The following AXDND1 variants were observed in gnomAD, a reference collection of about 807,000 sequenced individuals.
AXDND1 encodes axonemal dynein light chain domain-containing protein 1.
A neutral mutation model predicts 137.5 loss-of-function variants in AXDND1; 110 were observed. That is an observed-to-expected ratio of 0.80 (90% confidence interval 0.69 to 0.94). AXDND1 has a LOEUF of 0.94. Among genes scored for constraint, AXDND1 ranks in the 40% least tolerant of loss-of-function variants. AXDND1 has a pLI of 0.00. For synonymous variants in AXDND1, 414 were observed against 399.7 expected, an observed-to-expected ratio of 1.04 and a Z score of -0.43; for missense variants, 1,191 against 1,169.8, an observed-to-expected ratio of 1.02 and a Z score of -0.26.
At chr1:179,394,152 G>T in intron 10 of AXDND1, 109 bp downstream of exon 10, 1 of 1,145,002 alleles carries the variant, frequency 8.7e-7, no homozygotes, top group Non-Finnish European at 1.2e-6. Context: ...AGGTTCTTCT[G>T]TTTCCTTTTC....
intron 25 of AXDND1, among the ~76,000 whole-genome samples, chr1:179,537,564 G>A (rs902331458): frequency 2.0e-5 from 3 of 152,158 alleles, no homozygotes; most frequent in Non-Finnish European, 4.4e-5. Flanking sequence ...TGGTAGATAA[G>A]CTTTCTGATG....
intron 15 of AXDND1, among the ~76,000 whole-genome samples, chr1:179,438,167 A>AATAAATAAATAAATAAATAC (rs1427000432): frequency 1.5e-5 from 2 of 136,362 alleles, no homozygotes; most frequent in African/African-American, 5.5e-5. Context: ...TAAGTAAATA[A>AATAAATAAATAAATAAATAC]ATAAATAAAT....
chr1:179,457,839 A>G (rs1403911757), intron 16 of AXDND1, among the ~76,000 whole-genome samples: 1 of 152,180 alleles, frequency 6.6e-6, no homozygotes, highest in East Asian at 1.9e-4. Flanking sequence ...TCAGCCATGG[A>G]TACCTTGTAT....
chr1:179,449,384 ATGTT>A, intron 16 of AXDND1: 1 of 197,474 alleles, frequency 5.1e-6, no homozygotes, highest in Non-Finnish European at 1.1e-5. Context: ...ACTCATGTGT[ATGTT>A]TGTCCTTGTG....
chr1:179,367,385 C>T (rs1354034720), intron 2 of AXDND1, among the ~76,000 whole-genome samples: 2 of 152,020 alleles, frequency 1.3e-5, no homozygotes, highest in Middle Eastern at 3.4e-3. Context: ...CGTGGTGGCT[C>T]GTGCCTGTAG....
intron 25 of AXDND1, among the ~76,000 whole-genome samples, chr1:179,542,151 CATTTT>C (rs1181612981): frequency 6.6e-6 from 1 of 152,062 alleles, no homozygotes; most frequent in Admixed American, 6.6e-5. Flanking sequence ...TTTAATTGTT[CATTTT>C]CTTATTTCTA....
intron 20 of AXDND1, among the ~76,000 whole-genome samples, chr1:179,506,100 A>C (rs1185556910): frequency 6.6e-6 from 1 of 152,230 alleles, no homozygotes; most frequent in Admixed American, 6.5e-5. Flanking sequence ...AGCCTAGAAC[A>C]GCTACTGAAA....
At chr1:179,374,734 C>A (rs1571528034) in intron 4 of AXDND1, among the ~76,000 whole-genome samples, 1 of 149,208 alleles carries the variant, frequency 6.7e-6, no homozygotes, top group East Asian at 2.0e-4. Flanking sequence ...GACAGAAAAC[C>A]AAATACTGCA....
chr1:179,423,458 A>G (rs1017579469), intron 12 of AXDND1, among the ~76,000 whole-genome samples: 1 of 152,088 alleles, frequency 6.6e-6, no homozygotes, highest in African/African-American at 2.4e-5. Flanking sequence ...ATAAGTAAGG[A>G]TTTACTCCTT....
chr1:179,448,215 G>T, intron 16 of AXDND1: 1 of 810,586 alleles, frequency 1.2e-6, no homozygotes, highest in South Asian at 1.4e-5. Context: ...ATCTGAGCTG[G>T]TTGTGCTTTC....
At chr1:179,388,973 A>AT (rs200417239) in intron 9 of AXDND1, among the ~76,000 whole-genome samples, 11,057 of 76,352 alleles carry the variant, frequency 0.14, 748 homozygotes, top group East Asian at 0.44. Flanking sequence ...TCATTTTTAG[A>AT]TTCTTTTTTT....
At chr1:179,435,651 T>C (rs1314762902) in intron 15 of AXDND1, among the ~76,000 whole-genome samples, 1 of 152,188 alleles carries the variant, frequency 6.6e-6, no homozygotes, top group African/African-American at 2.4e-5. Context: ...TGCAGAAAAC[T>C]GAAACTTGAC....
chr1:179,426,855 A>G lies in AXDND1; in HGVS notation c.1231-2663A>G, dbSNP rs546429634. Among the ~76,000 whole-genome samples the G allele has an allele frequency of 3.9e-5, 6 of 152,308 alleles. No individual in the cohort carries two copies. In the East Asian group the frequency reaches 1.2e-3, roughly 29 times the overall value. On this transcript the variant is annotated intron_variant, in intron 12 of 25. Transcript: ENST00000367618. ...GATAGGAGAACATTTAATAAAAACT[A>G]TCACAAGTATATAAATAACTATGTG...
chr1:179,549,536 T>C (rs1672993263), intron 25 of AXDND1, among the ~76,000 whole-genome samples: 1 of 152,126 alleles, frequency 6.6e-6, no homozygotes, highest in Non-Finnish European at 1.5e-5. Context: ...AAACCAGTGT[T>C]ATAAGGAAGT....
chr1:179,438,617 G>T (rs1658554249), intron 15 of AXDND1, among the ~76,000 whole-genome samples: 2 of 152,200 alleles, frequency 1.3e-5, no homozygotes, highest in South Asian at 2.1e-4. Flanking sequence ...TGCAAAGCAG[G>T]TGTGGCAGCC....
chr1:179,427,099 G>C (rs550514077), intron 12 of AXDND1, among the ~76,000 whole-genome samples: 2 of 152,330 alleles, frequency 1.3e-5, no homozygotes, highest in African/African-American at 4.8e-5. Context: ...GGGAGGCAGA[G>C]GTTGCAGTAA....
intron 20 of AXDND1, among the ~76,000 whole-genome samples, chr1:179,505,543 G>A (rs1450460025): frequency 6.6e-6 from 1 of 151,864 alleles, no homozygotes; most frequent in Non-Finnish European, 1.5e-5. Context: ...AGCTACTCAG[G>A]AGGTTGAGGC....
chr1:179,527,521 T>C (rs940277583), intron 22 of AXDND1, among the ~76,000 whole-genome samples: 2 of 152,200 alleles, frequency 1.3e-5, no homozygotes, highest in African/African-American at 4.8e-5. Flanking sequence ...TCATAAATTA[T>C]TGCTGAAGTC....
In AXDND1 at chr1:179,427,378, T is replaced by C. The variant is rs562407718; in HGVS notation, c.1231-2140T>C. 5.8e-5 allele frequency among the ~76,000 whole-genome samples: 5 copies of C among 86,650 alleles called. No individual in the cohort carries two copies. In the South Asian group the frequency reaches 1.4e-3, roughly 24 times the overall value. The allele number at this position is 86,650 out of a possible 152,430, so 56.8% of individuals were successfully genotyped here. A position where few individuals can be genotyped will look rare whatever the true frequency, so the allele number is the denominator to read the frequency against. ...TTTGTTTTAACAAATATATATTAAT[T>C]TTTTGACTGAATGGTAATTTTTGAG... On this transcript the variant is annotated intron_variant, in intron 12 of 25. Coordinates refer to ENST00000367618, the MANE Select transcript of AXDND1 (RefSeq NM_144696.6).
Sources: gnomAD v4.1 joint callset for allele counts (sites outside exome capture counted in the v4.1 genomes callset) on GRCh38, gnomAD v4.1.1 for gene constraint, MANE v1.5 for transcripts, NCBI Gene and HGNC (gene_info 2026-07-23, HGNC 2026-07-21) for gene names.